ANO3: variants seen among roughly 807,000 people sequenced by gnomAD.
ANO3 encodes anoctamin-3.
Under a neutral mutation model 144.8 loss-of-function variants are expected in ANO3, and 99 were observed. The observed-to-expected ratio is 0.68, with a 90% CI of 0.58 to 0.81. ANO3 has a LOEUF of 0.81. Among genes scored for constraint, ANO3 ranks in the 30% least tolerant of loss-of-function variants. ANO3 has a pLI of 0.00. For synonymous variants in ANO3, 414 were observed against 392.6 expected (o/e 1.05, Z -0.64); for missense variants, 905 against 1,202.2 (o/e 0.75, Z 3.66).
At position 26,486,032 on chromosome 11, in the gene ANO3, C is replaced by A. The variant is rs187783561; in HGVS notation, c.433-22072C>A. ...GCCTTTTTAAAAGAAATGTGTATAT[C>A]AATAAAGCAAATATTCCTTATGAAA... On this transcript the variant is annotated intron_variant, in intron 4 of 26. Transcript: ENST00000256737. Among the ~76,000 whole-genome samples, 9 of 151,796 alleles carry A rather than the reference C, an allele frequency of 5.9e-5. No individual in the cohort carries two copies. In the East Asian group the frequency reaches 1.7e-3, roughly 29 times the overall value.
chr11:26,499,649 G>A (rs1247649680), intron 4 of ANO3, among the ~76,000 whole-genome samples: 4 of 151,000 alleles, frequency 2.6e-5, no homozygotes, highest in Middle Eastern at 3.3e-3. Flanking sequence ...GTTTTATTTC[G>A]ATTTTTATGT....
At chr11:26,221,126 G>A (rs1852134861) in intron 1 of ANO3, among the ~76,000 whole-genome samples, 1 of 152,190 alleles carries the variant, frequency 6.6e-6, no homozygotes. Flanking sequence ...ATTGCCATAT[G>A]AACACCTCTC....
chr11:26,469,478 G>A (rs1319648467), intron 4 of ANO3, among the ~76,000 whole-genome samples: 1 of 151,754 alleles, frequency 6.6e-6, no homozygotes, highest in African/African-American at 2.4e-5. Context: ...ATTCTTAGAC[G>A]ACATCTCACA....
In ANO3 at chr11:26,332,203, T is replaced by TAG; in HGVS notation, c.-70_-69dup. 1 of 1,613,762 alleles carries TAG rather than the reference T, an allele frequency of 6.2e-7. No individual in the cohort carries two copies. Among genetic ancestry groups the TAG allele is most frequent in the Non-Finnish European group, 8.5e-7 (1 of 1,179,850 alleles). ...CTGAGGCTCCGGACCTTGGAGCGTCTAGAGTCTGGCTACTGTTCCTCCGCC... is the reference window on the plus strand; with the variant it reads ...CTGAGGCTCCGGACCTTGGAGCGTCTAGAGAGTCTGGCTACTGTTCCTCCGCC... On this transcript the variant is annotated 5_prime_UTR_variant, in exon 1 of 27. Coordinates refer to ENST00000256737, the MANE Select transcript of ANO3 (RefSeq NM_031418.4).
intron 1 of ANO3, among the ~76,000 whole-genome samples, chr11:26,257,200 A>T (rs1190911367): frequency 6.6e-6 from 1 of 152,074 alleles, no homozygotes; most frequent in Non-Finnish European, 1.5e-5. Context: ...GTACATAAAT[A>T]TACATACAGA....
chr11:26,293,416 T>G (rs926282941), intron 1 of ANO3, among the ~76,000 whole-genome samples: 7 of 151,072 alleles, frequency 4.6e-5, no homozygotes, highest in African/African-American at 1.7e-4. Context: ...ACTCAATTGT[T>G]ATTTCCAGTA....
At position 26,656,139 on chromosome 11, in the gene ANO3, A is replaced by G. The variant is rs1349897707; in HGVS notation, c.2591A>G (p.Tyr864Cys). 6.2e-7 allele frequency: 1 copy of G among 1,613,172 alleles called. No individual in the cohort carries two copies. The highest frequency in any genetic ancestry group is 1.1e-5 in the South Asian group (1 of 90,982). ...VEPSENCLKGYVNNSLSFFDL... is the reference protein window; with the variant it reads ...VEPSENCLKGCVNNSLSFFDL... ...TTTTCTCCCAGTTGCTTGAAGGGATATGTCAACAATAGCCTATCCTTCTTT... is the reference window on the plus strand; with the variant it reads ...TTTTCTCCCAGTTGCTTGAAGGGATGTGTCAACAATAGCCTATCCTTCTTT... The change falls in exon 25 of 27, where the codon TAT (tyrosine) becomes TGT (cysteine). Residue 864 changes from tyrosine to cysteine, a missense_variant. By Grantham distance (194) the Tyr-to-Cys change is radical. Transcript: ENST00000256737.
At chr11:26,367,018 A>G (rs1169448322) in intron 1 of ANO3, among the ~76,000 whole-genome samples, 1 of 152,186 alleles carries the variant, frequency 6.6e-6, no homozygotes, top group Non-Finnish European at 1.5e-5. Flanking sequence ...AGGATTCTCT[A>G]TTTAACAAAT....
At chr11:26,531,463 A>G (rs1177552991) in intron 8 of ANO3, 127 bp downstream of exon 8, 2 of 1,091,274 alleles carry the variant, frequency 1.8e-6, no homozygotes, top group Non-Finnish European at 2.6e-6. Context: ...ATTGTATTAA[A>G]ATACACACTT....
chr11:26,215,854 C>A (rs1046714476), intron 1 of ANO3, among the ~76,000 whole-genome samples: 38 of 152,012 alleles, frequency 2.5e-4, no homozygotes, highest in Non-Finnish European at 5.0e-4. Flanking sequence ...CTTCCCACAG[C>A]TCCACAATCT....
At chr11:26,494,507 A>G (rs1860847222) in intron 4 of ANO3, among the ~76,000 whole-genome samples, 1 of 152,156 alleles carries the variant, frequency 6.6e-6, no homozygotes, top group East Asian at 1.9e-4. Context: ...TACACCTCAT[A>G]TTGTCCCCAC....
chr11:26,275,619 C>A (rs1042577137), intron 1 of ANO3, among the ~76,000 whole-genome samples: 2 of 152,116 alleles, frequency 1.3e-5, no homozygotes, highest in African/African-American at 4.8e-5. Context: ...ATGCTGTTTT[C>A]TAAAGTCATA....
rs1469547911 is a variant in ANO3 at position 26,660,801 on chromosome 11, C to T, written c.*357C>T. ...AGACAGATTTCCATGTAAATGTGCA[C>T]AAGCCAGGCATGGCTTAAAATATCA... On this transcript the variant is annotated 3_prime_UTR_variant, in exon 27 of 27. Transcript: ENST00000256737. 1 of 194,568 alleles carries T rather than the reference C, an allele frequency of 5.1e-6. No homozygotes were observed. Among genetic ancestry groups the T allele is most frequent in the Non-Finnish European group, 1.0e-5 (1 of 97,178 alleles). 12.1% of individuals were successfully genotyped at this position (194,568 alleles called of 1,614,324 possible). A position where few individuals can be genotyped will look rare whatever the true frequency, so the allele number is the denominator to read the frequency against.
At position 26,309,658 on chromosome 11, in the gene ANO3, G is replaced by T. The variant is rs1854462649; in HGVS notation, c.-64G>T. ...TCTCTCTCACAGGTCTGCAAAAGTTGTGCTTTTCTCATCGTGAGCTTGAGA... is the reference window on the plus strand; with the variant it reads ...TCTCTCTCACAGGTCTGCAAAAGTTTTGCTTTTCTCATCGTGAGCTTGAGA... On this transcript the variant is annotated 5_prime_UTR_variant, in exon 1 of 27. Transcript: ENST00000525139. 3 of 985,198 alleles carry T rather than the reference G, an allele frequency of 3.0e-6. No individual in the cohort carries two copies. The African/African-American group carries it at 5.2e-5, about 17-fold the overall frequency. The allele number at this position is 985,198 out of a possible 1,614,324, so 61.0% of individuals were successfully genotyped here.
At chr11:26,257,811 TA>T (rs1372159820) in intron 1 of ANO3, among the ~76,000 whole-genome samples, 15 of 151,978 alleles carry the variant, frequency 9.9e-5, no homozygotes, top group Admixed American at 5.9e-4. Flanking sequence ...TCATAAAGAA[TA>T]AGGAGAGAAA....
intron 1 of ANO3, among the ~76,000 whole-genome samples, chr11:26,233,032 C>T (rs929628570): frequency 3.2e-4 from 49 of 151,870 alleles, no homozygotes; most frequent in African/African-American, 1.2e-3. Flanking sequence ...CTGGCTAACA[C>T]GGTGAAACCC....
chr11:26,266,683 T>C lies in ANO3; in HGVS notation c.155-42962T>C, dbSNP rs112564032. Among the ~76,000 whole-genome samples the C allele has an allele frequency of 7.0e-3, 1,070 of 151,888 alleles. 12 individuals carry two copies. Among genetic ancestry groups the C allele is most frequent in the African/African-American group, 0.024 (1,013 of 41,488 alleles). On this transcript the variant is annotated intron_variant, in intron 1 of 27. Transcript: ENST00000672621. ...CTCCTGACATTGTGGTCCACCCGCC[T>C]TGGCCTCCCAAAGTGCTGGGATTAC...
intron 5 of ANO3, among the ~76,000 whole-genome samples, chr11:26,512,412 T>C (rs1281676769): frequency 5.9e-5 from 9 of 152,188 alleles, no homozygotes; most frequent in Admixed American, 5.9e-4. Flanking sequence ...AGATTGGCAG[T>C]TTTTGACTCC....
chr11:26,476,940 AG>A, intron 4 of ANO3, among the ~76,000 whole-genome samples: 2 of 151,122 alleles, frequency 1.3e-5, no homozygotes, highest in Non-Finnish European at 3.0e-5. Context: ...TGTGAGAGAG[AG>A]AGAGAGAGAG....
Sources: allele counts gnomAD v4.1 joint callset (sites outside exome capture counted in the v4.1 genomes callset), GRCh38; gene constraint gnomAD v4.1.1; transcripts MANE v1.5; gene names NCBI Gene and HGNC (gene_info 2026-07-23, HGNC 2026-07-21).